The following BTBD10 variants were observed in gnomAD, a reference collection of about 807,000 sequenced individuals.
BTBD10 encodes BTB domain containing 10, also known as BTB/POZ domain-containing protein 10.
A neutral mutation model predicts 53.2 loss-of-function variants in BTBD10; 21 were observed. That is an observed-to-expected ratio of 0.39 (90% confidence interval 0.28 to 0.57). The LOEUF (loss-of-function observed/expected upper bound fraction) is 0.57. BTBD10 is among the 20% of genes least tolerant of loss of function. The pLI is 0.53. For missense variants in BTBD10, 360 were observed against 594.7 expected, an observed-to-expected ratio of 0.61 and a Z score of 4.10; for synonymous variants, 149 against 192.7, an observed-to-expected ratio of 0.77 and a Z score of 1.88.
At chr11:13,418,184 C>CA (rs58520382) in intron 4 of BTBD10, among the ~76,000 whole-genome samples, 61,666 of 150,242 alleles carry the variant, frequency 0.41, 14,987 homozygotes, top group Middle Eastern at 0.57. Flanking sequence ...TCAAAGTTTC[C>CA]AAAAAAAAAT....
At position 13,412,583 on chromosome 11, in the gene BTBD10, A is replaced by T. The variant is rs552440581; in HGVS notation, c.808+947T>A. On this transcript the variant is annotated intron_variant, in intron 6 of 8. Coordinates refer to ENST00000278174, the MANE Select transcript of BTBD10 (RefSeq NM_032320.7). ...TGTATTTCCAAAGTATACCTACTAC[A>T]TCTTTACTCCAGAAACCTCAGCTCT... 1.1e-4 allele frequency among the ~76,000 whole-genome samples: 17 copies of T among 152,346 alleles called. No individual in the cohort carries two copies. The East Asian group carries it at 3.3e-3, about 29-fold the overall frequency.
At chr11:13,405,942 G>A in intron 6 of BTBD10, 86 bp from the exon 7 acceptor site, 1 of 1,304,612 alleles carries the variant, frequency 7.7e-7, no homozygotes, top group Admixed American at 2.1e-5. Context: ...AACAAGAAAG[G>A]CCAGGCAGCC....
At chr11:13,428,531 A>G (rs1167450952) in intron 2 of BTBD10, among the ~76,000 whole-genome samples, 4 of 152,132 alleles carry the variant, frequency 2.6e-5, no homozygotes, top group African/African-American at 9.6e-5. Context: ...CAGAGCAATA[A>G]AGAAATCAAA....
Position 13,421,836 on chromosome 11 carries a change from G to C in BTBD10, c.104C>G (p.Thr35Ser), listed in dbSNP as rs749497657. The C allele has an allele frequency of 1.3e-6, 2 of 1,597,026 alleles. No homozygotes were observed. Among genetic ancestry groups the C allele is most frequent in the South Asian group, 1.1e-5 (1 of 88,662 alleles). ...TCCTCCTTTAGCAATACGCGAGGAA[G>C]TACTGATAAGTTAGAAAGGAAAATT... ...RPRKLYKHSSTSSRIAKGGVD... is the reference protein window; with the variant it reads ...RPRKLYKHSSSSSRIAKGGVD... Residue 35 changes from threonine to serine, a missense_variant and splice_region_variant, in exon 3 of 9, where the codon ACT becomes AGT. Physicochemically the swap from Thr to Ser is moderately conservative, Grantham distance 58 (BLOSUM62 1). Coordinates refer to ENST00000278174, the MANE Select transcript of BTBD10 (RefSeq NM_032320.7).
chr11:13,419,149 G>A (rs77012377), intron 4 of BTBD10, among the ~76,000 whole-genome samples: 39 of 151,802 alleles, frequency 2.6e-4, no homozygotes, highest in African/African-American at 9.2e-4. Context: ...AATTCACCTG[G>A]TTGGATTCAA....
intron 1 of BTBD10, among the ~76,000 whole-genome samples, chr11:13,448,826 C>T (rs1003906537): frequency 6.6e-6 from 1 of 152,140 alleles, no homozygotes; most frequent in African/African-American, 2.4e-5. Flanking sequence ...CTTGAATCCC[C>T]AATGTCCAGA....
intron 7 of BTBD10, chr11:13,404,501 A>C (rs1949776248): frequency 1.7e-6 from 1 of 601,014 alleles, no homozygotes; most frequent in Admixed American, 6.3e-5. Context: ...TTTGAAAAGT[A>C]AAATGTAAGT....
intron 1 of BTBD10, among the ~76,000 whole-genome samples, chr11:13,461,546 T>C (rs183754051): frequency 1.3e-5 from 2 of 152,282 alleles, no homozygotes; most frequent in African/African-American, 2.4e-5. Flanking sequence ...AGTCACCTAT[T>C]ATAAAAAGCC....
chr11:13,406,673 G>A (rs924954420), intron 6 of BTBD10, among the ~76,000 whole-genome samples: 2 of 151,728 alleles, frequency 1.3e-5, no homozygotes, highest in African/African-American at 4.8e-5. Flanking sequence ...CTGGAGAACT[G>A]GAGAAGGGGT....
At chr11:13,399,453 T>G (rs1461889637) in intron 8 of BTBD10, among the ~76,000 whole-genome samples, 1 of 152,162 alleles carries the variant, frequency 6.6e-6, no homozygotes, top group Non-Finnish European at 1.5e-5. Context: ...TTCGTCTAAT[T>G]TTTTTTCAAA....
chr11:13,417,337 G>GA (rs1950138929), intron 4 of BTBD10, 77 bp from the exon 5 acceptor site: 3 of 1,022,238 alleles, frequency 2.9e-6, no homozygotes, highest in Non-Finnish European at 2.8e-6. Flanking sequence ...ATGTACAAAA[G>GA]AAAAAAGGAA....
At position 13,388,804 on chromosome 11, in the gene BTBD10, A is replaced by G; in HGVS notation, c.*27T>C. On this transcript the variant is annotated 3_prime_UTR_variant, in exon 9 of 9. Coordinates refer to ENST00000278174, the MANE Select transcript of BTBD10 (RefSeq NM_032320.7). ...GTACAACGTCACTGTGAAGAGTAGC[A>G]TGCTATGGTTTCAAGGAAGATCAGC... 1.9e-6 allele frequency: 3 copies of G among 1,591,866 alleles called. No individual in the cohort carries two copies. Among genetic ancestry groups the G allele is most frequent in the Non-Finnish European group, 2.6e-6 (3 of 1,167,602 alleles).
intron 2 of BTBD10, among the ~76,000 whole-genome samples, chr11:13,438,609 C>G (rs1043671842): frequency 6.6e-6 from 1 of 151,716 alleles, no homozygotes; most frequent in African/African-American, 2.4e-5. Context: ...AACAGCACTA[C>G]AGTAATGCCT....
At position 13,421,818 on chromosome 11, in the gene BTBD10, T is replaced by G; in HGVS notation, c.122A>C (p.Lys41Thr). The change falls in exon 3 of 9, where the codon AAA becomes ACA. Residue 41 changes from lysine (K) to threonine (T), a missense_variant. Physicochemically the swap from Lys to Thr is moderately conservative, Grantham distance 78. Around this residue, in one of 6 missense-constraint regions of BTBD10, gnomAD observed 81 missense variants for 82.6 expected, o/e 0.98. Coordinates refer to ENST00000278174, the MANE Select transcript of BTBD10 (RefSeq NM_032320.7). ...CATTTTGGTGTGGTCAACTCCTCCT[T>G]TAGCAATACGCGAGGAAGTACTGAT... is the stretch of plus-strand genomic sequence containing the variant. The part of the protein sequence containing the change: ...KHSSTSSRIA[K>T]GGVDHTKMSL... The G allele has an allele frequency of 6.2e-7, 1 of 1,612,820 alleles. No homozygotes were observed. The highest frequency in any genetic ancestry group is 8.5e-7 in the Non-Finnish European group (1 of 1,179,304).
intron 1 of BTBD10, among the ~76,000 whole-genome samples, chr11:13,461,097 T>A (rs1951085077): frequency 6.6e-6 from 1 of 152,200 alleles, no homozygotes; most frequent in East Asian, 1.9e-4. Flanking sequence ...GATGTGACAT[T>A]TTTCCCAAGA....
At chr11:13,401,952 T>C (rs1222970244) in intron 8 of BTBD10, among the ~76,000 whole-genome samples, 2 of 152,236 alleles carry the variant, frequency 1.3e-5, no homozygotes, top group Admixed American at 1.3e-4. Context: ...ACTTTTGCAC[T>C]TGCTATTTTC....
At chr11:13,434,535 A>G (rs1365408181) in intron 2 of BTBD10, among the ~76,000 whole-genome samples, 6 of 152,370 alleles carry the variant, frequency 3.9e-5, no homozygotes, top group African/African-American at 4.8e-5. Context: ...AAAAAGGTAG[A>G]GCTTAGTTAG....
rs568459240 is a variant in BTBD10, at chr11:13,435,737, T to C, written c.101+9287A>G. Among the ~76,000 whole-genome samples, 201 of 152,232 alleles carry C rather than the reference T, an allele frequency of 1.3e-3. 1 individual carries two copies. The highest frequency in any genetic ancestry group is 4.7e-3 in the African/African-American group (197 of 41,556). On this transcript the variant is annotated intron_variant, in intron 2 of 8. Transcript: ENST00000278174. ...TGAACTCCTGACCTTGTGATCTGCC[T>C]GCCTCGGCCTCCCAAAGTGCTGGAA...
Position 13,437,631 on chromosome 11 carries a change from G to C in BTBD10, c.101+7393C>G, listed in dbSNP as rs565288851. ...TGACTTTACCAAAAGCTAAGCTTAA[G>C]TCCAAATATATTATAGCGTTGCTAG... On this transcript the variant is annotated intron_variant, in intron 2 of 8. Coordinates refer to ENST00000278174, the MANE Select transcript of BTBD10 (RefSeq NM_032320.7). Among the ~76,000 whole-genome samples, 85 of 152,270 alleles carry C rather than the reference G, an allele frequency of 5.6e-4. 1 individual carries two copies. The highest frequency in any genetic ancestry group is 1.6e-3 in the African/African-American group (66 of 41,554).
Sources: gnomAD v4.1 joint callset for allele counts (sites outside exome capture counted in the v4.1 genomes callset) on GRCh38, gnomAD v4.1.1 for gene constraint, gnomAD v4.1.1 regional missense constraint, MANE v1.5 for transcripts, NCBI Gene and HGNC (gene_info 2026-07-23, HGNC 2026-07-21) for gene names.